The following TRDMT1 variants were observed in gnomAD, a reference collection of about 807,000 sequenced individuals.
TRDMT1 encodes tRNA aspartic acid methyltransferase 1.
In TRDMT1, 49 loss-of-function variants were observed where a neutral mutation model predicts 51.2. That is an observed-to-expected ratio of 0.96 (90% CI 0.76 to 1.21). The LOEUF (loss-of-function observed/expected upper bound fraction) is 1.21. Ranked by LOEUF, TRDMT1 falls within the 50% of genes most tolerant of loss-of-function variation. The probability of loss-of-function intolerance (pLI) is 0.00; values close to 1 mark genes in which losing one functional copy is unlikely to be tolerated. For synonymous variants in TRDMT1, 187 were observed against 164.6 expected (o/e 1.14, Z -1.04); for missense variants, 534 against 462.3 (o/e 1.16, Z -1.42).
At position 17,146,403 on chromosome 10, in the gene TRDMT1, C is replaced by T. The variant is rs1036249331; in HGVS notation, c.*2637G>A. On this transcript the variant is annotated 3_prime_UTR_variant, in exon 11 of 11. Coordinates refer to ENST00000377799, the MANE Select transcript of TRDMT1 (RefSeq NM_004412.7). Reference sequence around the variant, plus strand: ...GTGATGCCATCATTCCTCTTTCTTGCCTGCCACTGAGGATTGTCAGGCTCT... The same window carrying T: ...GTGATGCCATCATTCCTCTTTCTTGTCTGCCACTGAGGATTGTCAGGCTCT... 2 of 985,320 alleles carry T rather than the reference C, an allele frequency of 2.0e-6. No homozygotes were observed. Among genetic ancestry groups the T allele is most frequent in the African/African-American group, 1.7e-5 (1 of 57,238 alleles). The allele number at this position is 985,320 out of a possible 1,614,324, so 61.0% of individuals were successfully genotyped here.
intron 1 of TRDMT1, among the ~76,000 whole-genome samples, chr10:17,177,563 G>A (rs1037617554): frequency 2.0e-5 from 3 of 152,036 alleles, no homozygotes; most frequent in African/African-American, 4.8e-5. Flanking sequence ...GAATACATAA[G>A]GACATCACGC....
In TRDMT1 at chr10:17,142,494, G is replaced by A. The variant is rs767925591; in HGVS notation, c.*6546C>T. 6.6e-6 allele frequency: 1 copy of A among 152,162 alleles called. No homozygotes were observed. The highest frequency in any genetic ancestry group is 1.5e-5 in the Non-Finnish European group (1 of 68,058). 9.4% of individuals were successfully genotyped at this position (152,162 alleles called of 1,614,324 possible). On this transcript the variant is annotated 3_prime_UTR_variant, in exon 11 of 11. Transcript: ENST00000377799. ...GTCCCATGGTATCTCTGGGAGAAGG[G>A]AGTCTCAGGCTCAGGGTAATAAAAA...
intron 8 of TRDMT1, among the ~76,000 whole-genome samples, chr10:17,156,216 C>A (rs1421525316): frequency 1.3e-5 from 2 of 151,796 alleles, no homozygotes; most frequent in African/African-American, 2.4e-5. Flanking sequence ...AAAGCACAGA[C>A]AGAGATCCTT....
intron 1 of TRDMT1, among the ~76,000 whole-genome samples, chr10:17,178,402 G>A (rs1299089477): frequency 8.5e-5 from 13 of 152,154 alleles, no homozygotes; most frequent in Admixed American, 8.5e-4. Context: ...TTTGCTGGGT[G>A]AGGTGGCTCA....
intron 1 of TRDMT1, among the ~76,000 whole-genome samples, chr10:17,188,109 G>T (rs1271499318): frequency 1.3e-5 from 2 of 148,684 alleles, no homozygotes; most frequent in East Asian, 3.9e-4. Flanking sequence ...TTTTTAACTG[G>T]CATGAAGAAT....
intron 1 of TRDMT1, among the ~76,000 whole-genome samples, chr10:17,179,998 C>G (rs1843079267): frequency 6.6e-6 from 1 of 152,150 alleles, no homozygotes; most frequent in African/African-American, 2.4e-5. Context: ...AAGACACTTT[C>G]TAGCCCTGAT....
In TRDMT1 at chr10:17,161,474, T is replaced by C. The variant is rs199817051; in HGVS notation, c.389+9A>G. The C allele has an allele frequency of 1.3e-5, 18 of 1,359,756 alleles. No individual in the cohort carries two copies. Among genetic ancestry groups the C allele is most frequent in the Non-Finnish European group, 1.8e-5 (18 of 1,014,610 alleles). The allele number at this position is 1,359,756 out of a possible 1,614,324, so 84.2% of individuals were successfully genotyped here. A position where few individuals can be genotyped will look rare whatever the true frequency, so the allele number is the denominator to read the frequency against. On this transcript the variant is annotated intron_variant, in intron 5 of 10. Transcript: ENST00000377799. ...CTAAGATGTATGCAAGACAAATACA[T>C]TTTTTTACCTTGTAGAAGATACTTC...
chr10:17,161,448 TC>T (rs771123780), intron 5 of TRDMT1, 34 bp downstream of exon 5: 1 of 1,333,778 alleles, frequency 7.5e-7, no homozygotes, highest in South Asian at 1.5e-5. Context: ...ATATACCAAG[TC>T]TAAGATGTAT....
chr10:17,160,425 A>G, intron 5 of TRDMT1, 51 bp from the exon 6 acceptor site: 1 of 1,250,436 alleles, frequency 8.0e-7, no homozygotes, highest in South Asian at 1.5e-5. Context: ...GGCAGTTCTT[A>G]TTTAAATAAT....
intron 1 of TRDMT1, among the ~76,000 whole-genome samples, chr10:17,176,677 C>T (rs1183227207): frequency 6.6e-6 from 1 of 152,146 alleles, no homozygotes; most frequent in Non-Finnish European, 1.5e-5. Context: ...AACTTGCCTT[C>T]TCAAAATAGA....
chr10:17,154,512 T>C (rs1839228125), intron 9 of TRDMT1, among the ~76,000 whole-genome samples, 165 bp downstream of exon 9: 1 of 152,046 alleles, frequency 6.6e-6, no homozygotes, highest in Non-Finnish European at 1.5e-5. Flanking sequence ...AGAAAAAGAT[T>C]TATTCCACAG....
At chr10:17,171,110 G>A (rs1841920315) in intron 2 of TRDMT1, among the ~76,000 whole-genome samples, 1 of 82,764 alleles carries the variant, frequency 1.2e-5, no homozygotes, top group Non-Finnish European at 2.8e-5. Flanking sequence ...ACTGGATTTA[G>A]ATGTGTGTGT....
In TRDMT1 at chr10:17,141,784, C is replaced by T. The variant is rs1472591049; in HGVS notation, c.*7256G>A. ...TTCAAGAAGGTGAATGAACACCAAA[C>T]AGGATATTACATTCACTTTGAAATA... On this transcript the variant is annotated 3_prime_UTR_variant, in exon 11 of 11. Transcript: ENST00000377799. Among the ~76,000 whole-genome samples, 1 of 152,170 alleles carries T rather than the reference C, an allele frequency of 6.6e-6. No individual in the cohort carries two copies. The highest frequency in any genetic ancestry group is 2.4e-5 in the African/African-American group (1 of 41,440).
chr10:17,197,878 C>CA (rs1203742261), intron 1 of TRDMT1, among the ~76,000 whole-genome samples: 8 of 151,860 alleles, frequency 5.3e-5, no homozygotes, highest in African/African-American at 1.7e-4. Flanking sequence ...ACTAAAAATA[C>CA]AAAAAATTAG....
rs1837551445 is a variant in TRDMT1 at position 17,140,043 on chromosome 10, T to TTTTC, written c.*8996_*8997insGAAA. 9.3e-6 allele frequency among the ~76,000 whole-genome samples: 1 copy of TTTTC among 107,962 alleles called. No homozygotes were observed. The highest frequency in any genetic ancestry group is 9.6e-5 in the Admixed American group (1 of 10,468). 70.8% of individuals were successfully genotyped at this position (107,962 alleles called of 152,430 possible). A position where few individuals can be genotyped will look rare whatever the true frequency, so the allele number is the denominator to read the frequency against. On this transcript the variant is annotated 3_prime_UTR_variant, in exon 11 of 11. Coordinates refer to ENST00000377799, the MANE Select transcript of TRDMT1 (RefSeq NM_004412.7). The stretch of plus-strand genomic sequence containing the variant: ...TCCAGTAACATCTAGTGTGCTTTTT[T>TTTTC]TTTTTTTTTTTTTTTTTTTTGAGAC...
intron 9 of TRDMT1, among the ~76,000 whole-genome samples, chr10:17,154,030 T>C (rs1262352709): frequency 1.3e-5 from 2 of 152,148 alleles, no homozygotes; most frequent in Non-Finnish European, 2.9e-5. Flanking sequence ...TATACTCAGG[T>C]TCATCAAGAT....
intron 1 of TRDMT1, among the ~76,000 whole-genome samples, chr10:17,179,941 T>C (rs889324136): frequency 3.9e-5 from 6 of 152,148 alleles, no homozygotes; most frequent in African/African-American, 1.4e-4. Flanking sequence ...TATTTATTAC[T>C]TGTTTTCTCC....
At position 17,137,783 on chromosome 10, in the gene TRDMT1, G is replaced by A. The variant is rs546678871; in HGVS notation, c.*11257C>T. Reference sequence around the variant, plus strand: ...CAGGAGGTGGAGGTTGCAGCAAGCCGAGAGCCACTGCACTCCAGCCTGGGT... The same window carrying A: ...CAGGAGGTGGAGGTTGCAGCAAGCCAAGAGCCACTGCACTCCAGCCTGGGT... On this transcript the variant is annotated 3_prime_UTR_variant, in exon 11 of 11. Coordinates refer to ENST00000377799, the MANE Select transcript of TRDMT1 (RefSeq NM_004412.7). Among the ~76,000 whole-genome samples the A allele has an allele frequency of 3.3e-5, 5 of 150,174 alleles. No individual in the cohort carries two copies. Among genetic ancestry groups the A allele is most frequent in the South Asian group, 2.1e-4 (1 of 4,712 alleles).
intron 1 of TRDMT1, among the ~76,000 whole-genome samples, chr10:17,197,755 C>T (rs1438161118): frequency 1.3e-5 from 2 of 152,048 alleles, no homozygotes; most frequent in Admixed American, 6.6e-5. Context: ...CTCAACAACC[C>T]GGCACAGTGG....
Sources: gnomAD v4.1 joint callset for allele counts (sites outside exome capture counted in the v4.1 genomes callset) on GRCh38, gnomAD v4.1.1 for gene constraint, MANE v1.5 for transcripts, NCBI Gene and HGNC (gene_info 2026-07-23, HGNC 2026-07-21) for gene names.